PAK1: variants seen among roughly 807,000 people sequenced by gnomAD.
PAK1 encodes serine/threonine-protein kinase PAK 1.
PAK1 carries 29 observed loss-of-function variants against 67.4 expected under a neutral mutation model. The ratio of observed to expected loss-of-function variants is 0.43; its 90% CI spans 0.32 to 0.59. The LOEUF is 0.59. Among genes scored for constraint, PAK1 ranks in the 20% least tolerant of loss-of-function variants. PAK1 has a pLI of 0.07. For synonymous variants in PAK1, 223 were observed against 237.4 expected (o/e 0.94, Z 0.56); for missense variants, 337 against 670.7 (o/e 0.50, Z 5.50).
intron 1 of PAK1, among the ~76,000 whole-genome samples, chr11:77,472,194 G>C (rs964927045): frequency 1.3e-5 from 2 of 152,204 alleles, no homozygotes; most frequent in Non-Finnish European, 2.9e-5. Flanking sequence ...AATTTACCAA[G>C]GTAGACCCAT....
chr11:77,353,437 G>A, intron 8 of PAK1, 99 bp downstream of exon 8: 1 of 798,038 alleles, frequency 1.3e-6, no homozygotes. Flanking sequence ...GGAGAAAGAA[G>A]AACAAGGTTT....
chr11:77,360,389 G>A (rs1030256808), intron 5 of PAK1, among the ~76,000 whole-genome samples: 3 of 152,160 alleles, frequency 2.0e-5, no homozygotes, highest in African/African-American at 7.2e-5. Flanking sequence ...TTTGAAAGAT[G>A]ACCTTAAATC....
At chr11:77,411,204 A>T (rs1294042754) in intron 1 of PAK1, among the ~76,000 whole-genome samples, 1 of 151,910 alleles carries the variant, frequency 6.6e-6, no homozygotes, top group Non-Finnish European at 1.5e-5. Context: ...GTTGAGGGGG[A>T]CATCTCTGCA....
chr11:77,340,842 A>T, intron 10 of PAK1, 79 bp from the exon 11 acceptor site: 1 of 816,802 alleles, frequency 1.2e-6, no homozygotes, highest in Non-Finnish European at 2.2e-6. Context: ...AAGGCTAAGC[A>T]TATACACAGA....
intron 1 of PAK1, among the ~76,000 whole-genome samples, chr11:77,436,317 C>A (rs1372227178): frequency 1.3e-5 from 2 of 152,160 alleles, no homozygotes; most frequent in African/African-American, 4.8e-5. Context: ...AGAAAACCAA[C>A]AGATTTGGCT....
chr11:77,401,166 G>C (rs1278146384), intron 1 of PAK1, among the ~76,000 whole-genome samples: 1 of 152,200 alleles, frequency 6.6e-6, no homozygotes. Flanking sequence ...TCCAGAACTG[G>C]GGAGTACTGT....
the PAK1 span, among the ~76,000 whole-genome samples, chr11:77,527,821 C>A: frequency 6.6e-6 from 1 of 152,076 alleles, no homozygotes; most frequent in African/African-American, 2.4e-5. Flanking sequence ...TACTCTGCAT[C>A]ATTGTTTTAT....
intron 5 of PAK1, among the ~76,000 whole-genome samples, chr11:77,370,249 A>T (rs1036039356): frequency 4.6e-5 from 7 of 152,188 alleles, no homozygotes; most frequent in Admixed American, 2.0e-4. Flanking sequence ...CCTTCACTGC[A>T]GAGCTACTTC....
intron 14 of PAK1, among the ~76,000 whole-genome samples, chr11:77,330,291 G>C (rs976800322): frequency 7.9e-5 from 12 of 151,960 alleles, no homozygotes; most frequent in African/African-American, 2.7e-4. Context: ...CTACTTTAAA[G>C]TTCATATGGA....
chr11:77,426,838 C>A (rs1471483300), intron 1 of PAK1, among the ~76,000 whole-genome samples: 3 of 116,882 alleles, frequency 2.6e-5, no homozygotes. Context: ...AATGAGCAAT[C>A]TTTAAAAAAA....
chr11:77,331,165 G>A (rs1340710668), intron 14 of PAK1, among the ~76,000 whole-genome samples: 20 of 152,180 alleles, frequency 1.3e-4, no homozygotes, highest in Admixed American at 9.2e-4. Flanking sequence ...GGAGAAATAC[G>A]AACACTTTTA....
the PAK1 span, among the ~76,000 whole-genome samples, chr11:77,502,828 A>G: frequency 6.6e-6 from 1 of 152,220 alleles, no homozygotes; most frequent in Non-Finnish European, 1.5e-5. Flanking sequence ...AAAGAATGGC[A>G]TTCAGGGCAA....
chr11:77,448,896 A>G (rs1192730622), intron 1 of PAK1, among the ~76,000 whole-genome samples: 1 of 152,266 alleles, frequency 6.6e-6, no homozygotes, highest in Non-Finnish European at 1.5e-5. Context: ...GTGATTATAA[A>G]GAATTGTCAT....
intron 5 of PAK1, 97 bp downstream of exon 5, chr11:77,374,231 T>C (rs1465397776): frequency 1.6e-5 from 12 of 749,178 alleles, no homozygotes; most frequent in Non-Finnish European, 2.8e-5. Flanking sequence ...GAGTGACTAA[T>C]ATGAGTGCCT....
intron 11 of PAK1, 124 bp downstream of exon 11, chr11:77,340,522 G>C (rs1371431885): frequency 7.2e-6 from 5 of 697,432 alleles, no homozygotes; most frequent in Non-Finnish European, 1.3e-5. Flanking sequence ...AATGATAGCA[G>C]TGTCAGCACT....
chr11:77,342,766 C>A (rs892786816), intron 10 of PAK1, among the ~76,000 whole-genome samples: 2 of 152,072 alleles, frequency 1.3e-5, no homozygotes, highest in African/African-American at 4.8e-5. Flanking sequence ...ATGAAATCTA[C>A]CAGTAACAGG....
intron 1 of PAK1, among the ~76,000 whole-genome samples, chr11:77,394,971 A>G (rs1196317589): frequency 1.3e-5 from 2 of 152,246 alleles, no homozygotes; most frequent in South Asian, 4.1e-4. Context: ...ATTTCCCACC[A>G]CTACCACTCT....
chr11:77,459,372 A>T (rs920700872), intron 1 of PAK1, among the ~76,000 whole-genome samples: 1 of 152,226 alleles, frequency 6.6e-6, no homozygotes, highest in Non-Finnish European at 1.5e-5. Flanking sequence ...AGTCTAAATC[A>T]GAGCAGAAAG....
chr11:77,433,077 A>G (rs1285457994), intron 1 of PAK1, among the ~76,000 whole-genome samples: 3 of 152,208 alleles, frequency 2.0e-5, no homozygotes, highest in African/African-American at 7.2e-5. Flanking sequence ...AAGAGTGCCA[A>G]GACAATGCAA....
Sources: gnomAD v4.1 joint callset for allele counts (sites outside exome capture counted in the v4.1 genomes callset) on GRCh38, gnomAD v4.1.1 for gene constraint, MANE v1.5 for transcripts, NCBI Gene and HGNC (gene_info 2026-07-23, HGNC 2026-07-21) for gene names.